The following MDGA2 variants were observed in gnomAD, a reference collection of about 807,000 sequenced individuals.
The protein encoded by MDGA2 is MAM domain containing glycosylphosphatidylinositol anchor 2.
MDGA2 carries 40 observed loss-of-function variants against 117.8 expected under a neutral mutation model. That is an observed-to-expected ratio of 0.34 (90% CI 0.26 to 0.44). The LOEUF (loss-of-function observed/expected upper bound fraction) is 0.44, where lower values mean the gene tolerates loss of function less well. MDGA2 is among the 20% of genes least tolerant of loss of function. MDGA2 has a pLI of 1.00. For missense variants in MDGA2, 1,123 were observed against 1,250.6 expected, an observed-to-expected ratio of 0.90 and a Z score of 1.54; for synonymous variants, 452 against 439.0, an observed-to-expected ratio of 1.03 and a Z score of -0.37.
intron 1 of MDGA2, among the ~76,000 whole-genome samples, chr14:47,310,712 C>A (rs541415187): frequency 4.0e-5 from 6 of 151,854 alleles, no homozygotes; most frequent in Admixed American, 2.0e-4. Flanking sequence ...GACCAAAAAC[C>A]CCATAAATAT....
At chr14:46,846,536 A>G (rs1880847850) in intron 15 of MDGA2, among the ~76,000 whole-genome samples, 1 of 152,132 alleles carries the variant, frequency 6.6e-6, no homozygotes, top group Non-Finnish European at 1.5e-5. Flanking sequence ...AATGGTGGTC[A>G]CTGAGGCTCA....
chr14:47,343,718 T>C (rs1890699113), intron 1 of MDGA2, among the ~76,000 whole-genome samples: 1 of 152,204 alleles, frequency 6.6e-6, no homozygotes, highest in African/African-American at 2.4e-5. Context: ...TAATTTCATA[T>C]TGCTCTGTTA....
chr14:47,449,056 T>A (rs1893186331), intron 1 of MDGA2, among the ~76,000 whole-genome samples: 1 of 152,156 alleles, frequency 6.6e-6, no homozygotes, highest in South Asian at 2.1e-4. Context: ...TCCAGACGAA[T>A]CTTAACTCCA....
chr14:47,355,318 C>T (rs2416054), intron 1 of MDGA2, among the ~76,000 whole-genome samples: 25,290 of 151,958 alleles, frequency 0.17, 2,355 homozygotes, highest in East Asian at 0.44. Context: ...AGGGTGCATT[C>T]GCTAACGCTG....
chr14:47,035,905 CATA>C (rs1888830063), intron 7 of MDGA2, among the ~76,000 whole-genome samples: 1 of 151,816 alleles, frequency 6.6e-6, no homozygotes, highest in Non-Finnish European at 1.5e-5. Context: ...AATAGTTTGC[CATA>C]ATATTGCCAA....
intron 1 of MDGA2, among the ~76,000 whole-genome samples, chr14:47,561,166 T>G (rs1456700339): frequency 9.0e-6 from 1 of 110,734 alleles, no homozygotes; most frequent in Non-Finnish European, 1.9e-5. Context: ...TTGTTTTGTT[T>G]TTTTGTTTGT....
chr14:47,061,626 T>G (rs1397986640), intron 6 of MDGA2, 48 bp from the exon 7 acceptor site: 1 of 1,447,786 alleles, frequency 6.9e-7, no homozygotes, highest in Non-Finnish European at 9.5e-7. Flanking sequence ...TTCATAACTT[T>G]AAGGATTCAT....
chr14:47,027,501 G>T (rs1888517101), intron 8 of MDGA2, among the ~76,000 whole-genome samples: 1 of 151,882 alleles, frequency 6.6e-6, no homozygotes, highest in Non-Finnish European at 1.5e-5. Context: ...CTTTAAGGTA[G>T]CAGCAGAGAA....
intron 5 of MDGA2, among the ~76,000 whole-genome samples, chr14:47,107,865 C>G (rs112079128): frequency 0.11 from 16,011 of 150,616 alleles, 640 homozygotes; most frequent in Admixed American, 0.11. Flanking sequence ...TTTAGAGGCC[C>G]TCAAAATAAG....
chr14:47,634,462 A>T (rs188160763), intron 1 of MDGA2, among the ~76,000 whole-genome samples: 47 of 152,168 alleles, frequency 3.1e-4, no homozygotes, highest in African/African-American at 1.1e-3. Flanking sequence ...ATATTTTTAT[A>T]TGTGTCCATT....
chr14:47,448,624 G>C (rs1379782373), intron 1 of MDGA2, among the ~76,000 whole-genome samples: 1 of 152,110 alleles, frequency 6.6e-6, no homozygotes, highest in Non-Finnish European at 1.5e-5. Context: ...CTCACTTTTG[G>C]ACTTCTCTTT....
chr14:47,663,642 GT>G (rs1376708841), intron 1 of MDGA2, among the ~76,000 whole-genome samples: 1 of 152,178 alleles, frequency 6.6e-6, no homozygotes. Context: ...ATTTAAAAAT[GT>G]TTTAAATGAT....
chr14:47,129,239 T>TCCCCCCCCCCCCC (rs535856949), intron 5 of MDGA2, among the ~76,000 whole-genome samples: 1 of 147,958 alleles, frequency 6.8e-6, no homozygotes, highest in African/African-American at 2.5e-5. Context: ...ATGCTATAGC[T>TCCCCCCCCCCCCC]CCCCCCCCGA....
At chr14:47,165,361 G>C (rs1175943486) in intron 3 of MDGA2, among the ~76,000 whole-genome samples, 1 of 152,136 alleles carries the variant, frequency 6.6e-6, no homozygotes, top group Non-Finnish European at 1.5e-5. Flanking sequence ...ATTCTTCCCA[G>C]CTGTCTTCTA....
chr14:46,920,215 T>G (rs976654783), intron 9 of MDGA2, 55 bp from the exon 10 acceptor site: 3 of 1,510,000 alleles, frequency 2.0e-6, no homozygotes, highest in African/African-American at 2.8e-5. Flanking sequence ...AGTGTAAGCA[T>G]ACTTATTCCC....
chr14:47,588,262 A>ATATAT, intron 1 of MDGA2, among the ~76,000 whole-genome samples: 1 of 53,352 alleles, frequency 1.9e-5, no homozygotes, highest in Non-Finnish European at 3.8e-5. Flanking sequence ...ATATATATAT[A>ATATAT]CACACACACA....
intron 1 of MDGA2, among the ~76,000 whole-genome samples, chr14:47,566,307 G>A (rs1040788242): frequency 2.6e-5 from 4 of 152,174 alleles, no homozygotes; most frequent in African/African-American, 7.2e-5. Context: ...ATCCAAGGCT[G>A]TACAGCAAGC....
In MDGA2 at chr14:46,878,958, G is replaced by A. The variant is rs1882339494; in HGVS notation, c.2417-1449C>T. ...CTATACATAATGCAGTTAACTTTGT[G>A]AAAATTTGCACAAACTTCTAAATAG... On this transcript the variant is annotated intron_variant, in intron 11 of 16. Transcript: ENST00000399232. Among the ~76,000 whole-genome samples the A allele has an allele frequency of 2.0e-5, 3 of 152,120 alleles. No homozygotes were observed. The South Asian group carries it at 6.2e-4, about 32-fold the overall frequency.
chr14:47,635,057 T>C (rs973385067), intron 1 of MDGA2, among the ~76,000 whole-genome samples: 11 of 152,112 alleles, frequency 7.2e-5, no homozygotes, highest in Admixed American at 6.5e-4. Flanking sequence ...AGAGTTGTGC[T>C]GAACATTAAA....
Sources: allele counts gnomAD v4.1 joint callset (sites outside exome capture counted in the v4.1 genomes callset), GRCh38; gene constraint gnomAD v4.1.1; transcripts MANE v1.5; gene names NCBI Gene and HGNC (gene_info 2026-07-23, HGNC 2026-07-21).